The following RPL31 variants were observed in gnomAD, a reference collection of about 807,000 sequenced individuals.
The protein encoded by RPL31 is ribosomal protein L31.
For synonymous variants in RPL31, 51 were observed against 55.0 expected, an observed-to-expected ratio of 0.93 and a Z score of 0.32; for missense variants, 95 against 164.0, an observed-to-expected ratio of 0.58 and a Z score of 2.30.
chr2:101,002,460 C>T (rs763822446), intron 1 of RPL31, 145 bp downstream of exon 1: 3 of 561,320 alleles, frequency 5.3e-6, no homozygotes, highest in Non-Finnish European at 9.7e-6. Flanking sequence ...CTTTTAAAGG[C>T]TCCCAGAGCC....
intron 2 of RPL31, among the ~76,000 whole-genome samples, chr2:101,003,893 T>C (rs1257700222): frequency 6.6e-6 from 1 of 152,222 alleles, no homozygotes; most frequent in Non-Finnish European, 1.5e-5. Context: ...TGCTGGGCAT[T>C]GCACACTGGT....
intron 4 of RPL31, among the ~76,000 whole-genome samples, chr2:101,015,244 A>G (rs1021528058): frequency 1.3e-5 from 2 of 151,436 alleles, no homozygotes; most frequent in African/African-American, 4.9e-5. Context: ...GGTATAAAAG[A>G]AAAAAAAATG....
downstream of RPL31, among the ~76,000 whole-genome samples, chr2:101,009,528 A>ACAT (rs370171391): frequency 6.6e-6 from 1 of 152,092 alleles, no homozygotes; most frequent in African/African-American, 2.4e-5. Flanking sequence ...TTTGTTTGAA[A>ACAT]CATCATCTAT....
downstream of RPL31, among the ~76,000 whole-genome samples, chr2:101,008,898 AC>A (rs948595799): frequency 5.3e-5 from 8 of 152,342 alleles, no homozygotes; most frequent in Middle Eastern, 3.4e-3. Flanking sequence ...AATGCTGGAA[AC>A]AGCTGAAACG....
At chr2:101,016,256 A>G (rs1172707939) in intron 4 of RPL31, among the ~76,000 whole-genome samples, 1 of 152,216 alleles carries the variant, frequency 6.6e-6, no homozygotes, top group Non-Finnish European at 1.5e-5. Flanking sequence ...ATCAAAAAGT[A>G]GGCAAAGGAT....
At chr2:101,015,043 CA>C (rs1310472071) in intron 4 of RPL31, among the ~76,000 whole-genome samples, 1 of 152,022 alleles carries the variant, frequency 6.6e-6, no homozygotes, top group Non-Finnish European at 1.5e-5. Context: ...TGTCATTGTG[CA>C]AACATCATAC....
intron 4 of RPL31, among the ~76,000 whole-genome samples, chr2:101,017,074 TAAAA>T (rs376317331): frequency 0.1 from 13,758 of 133,000 alleles, 827 homozygotes; most frequent in Non-Finnish European, 0.15. Context: ...TTAAAAGTAT[TAAAA>T]AAAAAAAAAA....
At chr2:101,017,989 A>G (rs973688638) in intron 4 of RPL31, 13 of 1,484,488 alleles carry the variant, frequency 8.8e-6, no homozygotes, top group African/African-American at 1.4e-5. Flanking sequence ...AACGGTTCCA[A>G]TGCTCGCAAT....
At chr2:101,003,152 C>T (rs886749981) in intron 2 of RPL31, among the ~76,000 whole-genome samples, 17 of 152,196 alleles carry the variant, frequency 1.1e-4, no homozygotes, top group African/African-American at 3.9e-4. Flanking sequence ...TGCCATGATC[C>T]CACATTGGCT....
chr2:101,003,700 A>C (rs575175542), intron 2 of RPL31, among the ~76,000 whole-genome samples: 4 of 152,336 alleles, frequency 2.6e-5, no homozygotes, highest in African/African-American at 9.6e-5. Context: ...CATACTCAAG[A>C]AGCGACCTGC....
Position 101,004,274 on chromosome 2 carries a change from A to G in RPL31, c.224A>G (p.Lys75Arg), listed in dbSNP as rs754797080. 1.9e-6 allele frequency: 3 copies of G among 1,614,080 alleles called. No individual in the cohort carries two copies. Among genetic ancestry groups the G allele is most frequent in the Non-Finnish European group, 1.7e-6 (2 of 1,180,000 alleles). The change falls in exon 3 of 5, where the codon AAA becomes AGA. Residue 75 changes from lysine to arginine, a missense_variant. Lys to Arg is a conservative substitution (Grantham distance 26). Transcript: ENST00000264258. ...AGGCTCAACAAAGCTGTCTGGGCCA[A>G]AGGAATAAGGTGCTAAAGTTATCTG... ...DTRLNKAVWAKGIRNVPYRIR... is the reference protein window; with the variant it reads ...DTRLNKAVWARGIRNVPYRIR...
intron 4 of RPL31, chr2:101,017,806 T>C: frequency 6.5e-7 from 1 of 1,542,442 alleles, no homozygotes; most frequent in Non-Finnish European, 8.8e-7. Flanking sequence ...TTTTTAATAT[T>C]AGTTTTCATA....
chr2:101,009,298 C>A (rs891299797), downstream of RPL31, among the ~76,000 whole-genome samples: 2 of 150,534 alleles, frequency 1.3e-5, no homozygotes, highest in Non-Finnish European at 2.9e-5. Context: ...CCCAGCTACT[C>A]GGGAAGCTGA....
downstream of RPL31, chr2:101,011,534 G>A: frequency 6.2e-7 from 1 of 1,613,962 alleles, no homozygotes; most frequent in South Asian, 1.1e-5. Context: ...GTCATTTTCA[G>A]TGAGTGCTTA....
intron 4 of RPL31, among the ~76,000 whole-genome samples, chr2:101,018,752 T>C (rs1211580528): frequency 6.6e-6 from 1 of 152,220 alleles, no homozygotes; most frequent in Non-Finnish European, 1.5e-5. Context: ...TTGTCTCATT[T>C]GTGTGTGTCC....
rs1418052142 is a variant in RPL31 at position 101,004,289 on chromosome 2, A to G, written c.233+6A>G. 15 of 1,613,854 alleles carry G rather than the reference A, an allele frequency of 9.3e-6. No individual in the cohort carries two copies. The highest frequency in any genetic ancestry group is 2.2e-5 in the East Asian group (1 of 44,892). Reference sequence around the variant, plus strand: ...GTCTGGGCCAAAGGAATAAGGTGCTAAAGTTATCTGTATTCGAAGGTGAAC... The same window carrying G: ...GTCTGGGCCAAAGGAATAAGGTGCTGAAGTTATCTGTATTCGAAGGTGAAC... On this transcript the variant is annotated splice_donor_region_variant and intron_variant, in intron 3 of 4. Coordinates refer to ENST00000264258, the MANE Select transcript of RPL31 (RefSeq NM_000993.5).
At chr2:101,005,612 CA>C (rs764412172) in intron 3 of RPL31, 36 of 247,534 alleles carry the variant, frequency 1.5e-4, no homozygotes, top group Middle Eastern at 1.4e-3. Context: ...GCCGTTTCTT[CA>C]TATTTTAATG....
downstream of RPL31, chr2:101,011,401 G>C: frequency 6.4e-7 from 1 of 1,571,024 alleles, no homozygotes; most frequent in Non-Finnish European, 8.8e-7. Flanking sequence ...GGTGCCTCCC[G>C]CCACTGCAGT....
chr2:101,006,134 T>C, intron 4 of RPL31, 63 bp downstream of exon 4: 1 of 1,576,238 alleles, frequency 6.3e-7, no homozygotes, highest in East Asian at 2.3e-5. Context: ...CCTCTTAAAA[T>C]GTGAATTCAT....
Sources: gnomAD v4.1 joint callset for allele counts (sites outside exome capture counted in the v4.1 genomes callset) on GRCh38, gnomAD v4.1.1 for gene constraint, MANE v1.5 for transcripts, NCBI Gene and HGNC (gene_info 2026-07-23, HGNC 2026-07-21) for gene names.